The following TMEM232 variants were observed in gnomAD, a reference collection of about 807,000 sequenced individuals.
TMEM232 encodes the protein transmembrane protein 232.
In TMEM232, 80 loss-of-function variants were observed where a neutral mutation model predicts 78.8. The observed-to-expected ratio is 1.01, with a 90% CI of 0.85 to 1.22. The LOEUF is 1.22. Ranked by LOEUF, TMEM232 falls within the 50% of genes most tolerant of loss-of-function variation. TMEM232 has a pLI of 0.00. For synonymous variants in TMEM232, 297 were observed against 254.3 expected, an observed-to-expected ratio of 1.17 and a Z score of -1.60; for missense variants, 881 against 742.2, an observed-to-expected ratio of 1.19 and a Z score of -2.17.
chr5:110,397,670 T>C (rs1296767219), intron 3 of TMEM232: 1 of 151,980 alleles, frequency 6.6e-6, no homozygotes, highest in Admixed American at 6.6e-5. Context: ...CACTATGTGT[T>C]AAACCACCCA....
intron 8 of TMEM232, among the ~76,000 whole-genome samples, chr5:110,612,847 G>A (rs188323074): frequency 3.3e-5 from 5 of 152,240 alleles, no homozygotes; most frequent in African/African-American, 1.2e-4. Flanking sequence ...TTATTTTCAT[G>A]TTAGATTAGA....
intron 10 of TMEM232, among the ~76,000 whole-genome samples, chr5:110,571,998 C>T (rs368926619): frequency 6.6e-6 from 1 of 151,896 alleles, no homozygotes; most frequent in Non-Finnish European, 1.5e-5. Context: ...CAATGGGCAG[C>T]AGGAGATTGG....
intron 12 of TMEM232, among the ~76,000 whole-genome samples, chr5:110,436,770 A>G (rs1444690051): frequency 6.6e-6 from 1 of 151,806 alleles, no homozygotes; most frequent in Non-Finnish European, 1.5e-5. Flanking sequence ...CACTGTAGCT[A>G]TGTGGATTTG....
chr5:110,431,862 A>G lies in TMEM232; in HGVS notation c.1704-6946T>C, dbSNP rs115716982. 5.9e-3 allele frequency among the ~76,000 whole-genome samples: 892 copies of G among 151,816 alleles called. 5 individuals are homozygous for G. The highest frequency in any genetic ancestry group is 9.8e-3 in the Non-Finnish European group (664 of 67,756). ...GCAAGGGAAAAAACAGGCAGAATATATAGAAAAGAACAGCAGAGACATATA... is the reference window on the plus strand; with the variant it reads ...GCAAGGGAAAAAACAGGCAGAATATGTAGAAAAGAACAGCAGAGACATATA... On this transcript the variant is annotated intron_variant, in intron 12 of 13. Transcript: ENST00000455884.
chr5:110,589,274 T>C (rs1779212527), intron 10 of TMEM232, among the ~76,000 whole-genome samples: 1 of 152,110 alleles, frequency 6.6e-6, no homozygotes, highest in African/African-American at 2.4e-5. Context: ...ATCTATAACA[T>C]GGGAAGTGTT....
chr5:110,713,816 G>C (rs1022540123), intron 1 of TMEM232, among the ~76,000 whole-genome samples: 1 of 152,154 alleles, frequency 6.6e-6, no homozygotes, highest in African/African-American at 2.4e-5. Context: ...GGGTGGCAGA[G>C]AGTTAGAAAT....
At chr5:110,727,114 C>T (rs1304676784), upstream of TMEM232, among the ~76,000 whole-genome samples, 1 of 152,192 alleles carries the variant, frequency 6.6e-6, no homozygotes, top group Non-Finnish European at 1.5e-5. Flanking sequence ...GAATGTTCTG[C>T]TATGTACTAA....
Position 110,663,079 on chromosome 5 carries a change from C to T in TMEM232, c.125+4149G>A, listed in dbSNP as rs1427265359. Among the ~76,000 whole-genome samples the T allele has an allele frequency of 5.3e-5, 8 of 152,088 alleles. No homozygotes were observed. The East Asian group carries it at 1.5e-3, about 29-fold the overall frequency. On this transcript the variant is annotated intron_variant, in intron 2 of 13. Transcript: ENST00000455884. ...ACATTAAGATGTATGCCATGATGCC[C>T]ATACAGCAATGTATGAAACGTTCAT...
Position 110,667,193 on chromosome 5 carries a change from A to G in TMEM232, c.125+35T>C, listed in dbSNP as rs773641373. 2.0e-5 allele frequency: 30 copies of G among 1,485,520 alleles called. No homozygotes were observed. The South Asian group carries it at 2.2e-4, about 11-fold the overall frequency. 92.0% of individuals were successfully genotyped at this position (1,485,520 alleles called of 1,614,324 possible). A position where few individuals can be genotyped will look rare whatever the true frequency, so the allele number is the denominator to read the frequency against. The stretch of plus-strand genomic sequence containing the variant: ...TTCTATATTTTCTAAATTCTCTACA[A>G]TACATATGGGTCCTATAATTATTTT... On this transcript the variant is annotated intron_variant, in intron 2 of 13. Transcript: ENST00000455884.
chr5:110,520,050 T>TATATATATATATAGAG (rs374219408), intron 12 of TMEM232, among the ~76,000 whole-genome samples: 18 of 147,258 alleles, frequency 1.2e-4, no homozygotes, highest in African/African-American at 4.5e-4. Flanking sequence ...TATATATATA[T>TATATATATATATAGAG]AGAGAGAGAG....
upstream of TMEM232, chr5:110,738,927 T>C: frequency 7.1e-7 from 1 of 1,405,494 alleles, no homozygotes; most frequent in Non-Finnish European, 9.3e-7. Context: ...CTAGCAACCG[T>C]GCCCTTTAAT....
At chr5:110,587,711 G>A (rs1489658393) in intron 10 of TMEM232, among the ~76,000 whole-genome samples, 6 of 137,854 alleles carry the variant, frequency 4.4e-5, no homozygotes, top group African/African-American at 1.7e-4. Flanking sequence ...GTGTGTGTGT[G>A]TGTGTGTGTG....
intron 12 of TMEM232, among the ~76,000 whole-genome samples, chr5:110,425,884 G>T (rs1161504573): frequency 6.6e-6 from 1 of 152,022 alleles, no homozygotes; most frequent in South Asian, 2.1e-4. Flanking sequence ...ACATCAAACT[G>T]TTCATTATTT....
intron 5 of TMEM232, 61 bp from the exon 6 acceptor site, chr5:110,627,941 T>C: frequency 1.8e-6 from 2 of 1,135,554 alleles, no homozygotes; most frequent in Non-Finnish European, 2.5e-6. Flanking sequence ...TTAAAAACCA[T>C]AAGAAAAATC....
intron 7 of TMEM232, among the ~76,000 whole-genome samples, chr5:110,620,008 A>G (rs1384187582): frequency 6.6e-6 from 1 of 152,180 alleles, no homozygotes; most frequent in Admixed American, 6.5e-5. Context: ...AATCATAGAT[A>G]TTGCAGGACT....
chr5:110,636,056 A>G (rs1785780675), intron 5 of TMEM232, among the ~76,000 whole-genome samples: 1 of 152,070 alleles, frequency 6.6e-6, no homozygotes, highest in Non-Finnish European at 1.5e-5. Context: ...AATGTGGTGT[A>G]TATACACAAT....
chr5:110,615,240 T>C (rs1335241159), intron 8 of TMEM232, among the ~76,000 whole-genome samples: 1 of 151,922 alleles, frequency 6.6e-6, no homozygotes, highest in African/African-American at 2.4e-5. Flanking sequence ...TTTAGAAGGG[T>C]CTACAGTTGA....
intron 11 of TMEM232, among the ~76,000 whole-genome samples, chr5:110,542,341 A>G (rs1262036685): frequency 6.6e-6 from 1 of 152,192 alleles, no homozygotes; most frequent in African/African-American, 2.4e-5. Flanking sequence ...TTATATAACA[A>G]ACATTCCTTA....
intron 3 of TMEM232, among the ~76,000 whole-genome samples, chr5:110,395,173 T>A (rs1260116743): frequency 6.6e-6 from 1 of 152,140 alleles, no homozygotes; most frequent in Non-Finnish European, 1.5e-5. Flanking sequence ...ACTAAGAGCA[T>A]CAGATTTTGT....
Sources: allele counts gnomAD v4.1 joint callset (sites outside exome capture counted in the v4.1 genomes callset), GRCh38; gene constraint gnomAD v4.1.1; transcripts MANE v1.5; gene names NCBI Gene and HGNC (gene_info 2026-07-23, HGNC 2026-07-21).